IQSEC3: variants seen among roughly 807,000 people sequenced by gnomAD.
IQSEC3 encodes IQ motif and Sec7 domain ArfGEF 3, also known as IQ motif and SEC7 domain-containing protein 3.
A neutral mutation model predicts 105.4 loss-of-function variants in IQSEC3; 50 were observed. The ratio of observed to expected loss-of-function variants is 0.47; its 90% CI spans 0.38 to 0.60. The LOEUF (loss-of-function observed/expected upper bound fraction) is 0.60, where lower values mean the gene tolerates loss of function less well. Ranked by LOEUF, IQSEC3 falls within the 20% of genes least tolerant of loss-of-function variation. The pLI is 0.00. For synonymous variants in IQSEC3, 708 were observed against 746.0 expected, an observed-to-expected ratio of 0.95 and a Z score of 0.83; for missense variants, 1,415 against 1,630.0, an observed-to-expected ratio of 0.87 and a Z score of 2.27.
intron 2 of IQSEC3, among the ~76,000 whole-genome samples, chr12:117,994 G>A (rs782025049): frequency 1.3e-5 from 2 of 152,214 alleles, no homozygotes; most frequent in Non-Finnish European, 2.9e-5. Context: ...TGTGGCCAGG[G>A]CCCAAGCAAA....
chr12:174,332 G>A (rs1269941022), intron 13 of IQSEC3, among the ~76,000 whole-genome samples: 1 of 152,130 alleles, frequency 6.6e-6, no homozygotes, highest in Non-Finnish European at 1.5e-5. Flanking sequence ...TGTATGCAGA[G>A]CCCATCTCAC....
Position 157,085 on chromosome 12 carries a change from C to T in IQSEC3, c.2214C>T (p.Phe738=). ...AGCTGGACGAGGCCCTGCGCAAGTT[C>T]CAGGCACACATCCGTGTGCAGGGGG... is the stretch of plus-strand genomic sequence containing the variant. ...SMELDEALRK[F]QAHIRVQGEA... Residue 738 remains phenylalanine (F), a synonymous_variant, in exon 6 of 14, where the codon TTC becomes TTT. Transcript: ENST00000538872. The T allele has an allele frequency of 6.2e-7, 1 of 1,606,174 alleles. No individual in the cohort carries two copies. The highest frequency in any genetic ancestry group is 8.5e-7 in the Non-Finnish European group (1 of 1,176,294).
In IQSEC3 at chr12:99,043, G is replaced by A. The variant is rs544861321; in HGVS notation, c.555-103G>A. On this transcript the variant is annotated intron_variant, in intron 1 of 13. Coordinates refer to ENST00000538872, the MANE Select transcript of IQSEC3 (RefSeq NM_001170738.2). ...TTTACACAGGGGCTCAAAAGGGCGGGGGTAGGAGCAGCAAGATTTCAGGGC... is the reference window on the plus strand; with the variant it reads ...TTTACACAGGGGCTCAAAAGGGCGGAGGTAGGAGCAGCAAGATTTCAGGGC... 1.3e-5 allele frequency: 13 copies of A among 1,023,876 alleles called. No individual in the cohort carries two copies. The Admixed American group carries it at 1.7e-4, about 13-fold the overall frequency. 63.4% of individuals were successfully genotyped at this position (1,023,876 alleles called of 1,614,324 possible).
chr12:168,393 T>A (rs567383769), intron 11 of IQSEC3, among the ~76,000 whole-genome samples: 2 of 152,108 alleles, frequency 1.3e-5, no homozygotes, highest in South Asian at 4.1e-4. Context: ...AGGCAGGCTC[T>A]GTCCTCCCAG....
chr12:174,079 C>A (rs543216656), intron 13 of IQSEC3, among the ~76,000 whole-genome samples: 23 of 152,288 alleles, frequency 1.5e-4, no homozygotes, highest in African/African-American at 5.5e-4. Context: ...CCAGATCACC[C>A]TCTGGCATTC....
intron 11 of IQSEC3, 106 bp downstream of exon 11, chr12:165,996 G>C: frequency 7.6e-7 from 1 of 1,324,194 alleles, no homozygotes. Flanking sequence ...GCCCCACTTC[G>C]GACCCTCCCC....
chr12:76,160 G>A (rs1311781363), intron 1 of IQSEC3, among the ~76,000 whole-genome samples: 4 of 152,002 alleles, frequency 2.6e-5, no homozygotes, highest in Non-Finnish European at 5.9e-5. Flanking sequence ...GTGAGAAACG[G>A]GCAATGGGCC....
Position 161,907 on chromosome 12 carries a change from G to GCC in IQSEC3, c.2444-17_2444-16dup. On this transcript the variant is annotated intron_variant, in intron 7 of 13. Coordinates refer to ENST00000538872, the MANE Select transcript of IQSEC3 (RefSeq NM_001170738.2). ...CCCTCCCAACCCCACCACCACCCCT[G>GCC]CCCACTCCACGTTGTTAGGTGTGGA... 1.3e-6 allele frequency: 2 copies of GCC among 1,569,868 alleles called. No individual in the cohort carries two copies. The highest frequency in any genetic ancestry group is 1.7e-6 in the Non-Finnish European group (2 of 1,158,166).
chr12:99,864 C>T (rs1864365461), intron 2 of IQSEC3, among the ~76,000 whole-genome samples: 1 of 152,284 alleles, frequency 6.6e-6, no homozygotes, highest in African/African-American at 2.4e-5. Flanking sequence ...CTTCTCCCTC[C>T]GCATCTGCCT....
rs1555075431 is a variant in IQSEC3 at position 99,129 on chromosome 12, C to T, written c.555-17C>T. ...GCCTGCCTCAGGCGCTCTGATCTCC[C>T]TCTGCTCTGCCCGCAGGAATGAGAC... is the stretch of plus-strand genomic sequence containing the variant. On this transcript the variant is annotated splice_polypyrimidine_tract_variant and intron_variant, in intron 1 of 13. Coordinates refer to ENST00000538872, the MANE Select transcript of IQSEC3 (RefSeq NM_001170738.2). The T allele has an allele frequency of 1.3e-6, 2 of 1,597,004 alleles. No individual in the cohort carries two copies. The highest frequency in any genetic ancestry group is 1.6e-4 in the Middle Eastern group (1 of 6,080).
intron 4 of IQSEC3, 124 bp downstream of exon 4, chr12:139,478 A>C: frequency 1.4e-6 from 1 of 715,896 alleles, no homozygotes; most frequent in Non-Finnish European, 2.3e-6. Context: ...AGGGTCCTCC[A>C]GGCAGGCGCA....
chr12:148,199 G>A (rs782535680), intron 5 of IQSEC3: 26 of 152,120 alleles, frequency 1.7e-4, no homozygotes, highest in Non-Finnish European at 2.8e-4. Flanking sequence ...ATAGAGCAGT[G>A]CTTCCAAAAG....
chr12:125,977 G>T (rs11610983), intron 3 of IQSEC3, 65 bp downstream of exon 3: 31 of 1,473,910 alleles, frequency 2.1e-5, no homozygotes, highest in South Asian at 2.5e-5. Context: ...GGGCTGTCGA[G>T]GGTACCAGGG....
At chr12:76,772 C>A (rs1353019328) in intron 1 of IQSEC3, among the ~76,000 whole-genome samples, 2 of 152,268 alleles carry the variant, frequency 1.3e-5, no homozygotes, top group African/African-American at 2.4e-5. Context: ...TGTCTGGAAG[C>A]TCAGGTACGG....
intron 8 of IQSEC3, 62 bp from the exon 9 acceptor site, chr12:163,432 G>C: frequency 6.8e-7 from 1 of 1,479,764 alleles, no homozygotes. Flanking sequence ...GAAAATGGGC[G>C]CGTGGGTGGG....
intron 9 of IQSEC3, among the ~76,000 whole-genome samples, chr12:164,316 G>A (rs1481103174): frequency 6.6e-6 from 1 of 152,110 alleles, no homozygotes; most frequent in East Asian, 1.9e-4. Context: ...GGTACATTCA[G>A]TGAACCACAT....
chr12:125,727 A>G lies in IQSEC3; in HGVS notation c.718A>G (p.Lys240Glu). The G allele has an allele frequency of 6.5e-7, 1 of 1,529,746 alleles. No homozygotes were observed. Among genetic ancestry groups the G allele is most frequent in the Non-Finnish European group, 8.7e-7 (1 of 1,148,012 alleles). 94.8% of individuals were successfully genotyped at this position (1,529,746 alleles called of 1,614,324 possible). ...AAGRPSAHAP[K>E]AQAQELQEEE... ...CGGCAGACCCAGTGCCCATGCCCCG[A>G]AGGCTCAAGCCCAGGAGCTGCAGGA... The change falls in exon 3 of 14, where the codon AAG (lysine) becomes GAG (glutamate). Residue 240 changes from lysine to glutamate, a missense_variant. By Grantham distance (56) the Lys-to-Glu change is moderately conservative. Coordinates refer to ENST00000538872, the MANE Select transcript of IQSEC3 (RefSeq NM_001170738.2).
Position 138,184 on chromosome 12 carries a change from G to A in IQSEC3, c.904-83G>A. Reference sequence around the variant, plus strand: ...CATTCCTGGGCCCCACCCGAGTGTGGCCGGGTGACTCCACCACTCCTCAGA... The same window carrying A: ...CATTCCTGGGCCCCACCCGAGTGTGACCGGGTGACTCCACCACTCCTCAGA... On this transcript the variant is annotated intron_variant, in intron 3 of 13. Transcript: ENST00000538872. The surrounding 1 kb of genome is among the most constrained non-coding windows in gnomAD (Gnocchi z 7.1). 7.7e-7 allele frequency: 1 copy of A among 1,292,394 alleles called. No homozygotes were observed. Among genetic ancestry groups the A allele is most frequent in the Non-Finnish European group, 1.1e-6 (1 of 927,522 alleles). The allele number at this position is 1,292,394 out of a possible 1,614,324, so 80.1% of individuals were successfully genotyped here. A position where few individuals can be genotyped will look rare whatever the true frequency, so the allele number is the denominator to read the frequency against.
chr12:161,383 C>T (rs1465462717), intron 7 of IQSEC3, among the ~76,000 whole-genome samples: 1 of 152,126 alleles, frequency 6.6e-6, no homozygotes, highest in Non-Finnish European at 1.5e-5. Flanking sequence ...TCCTCGCCTG[C>T]ATTGCCAGGG....
Sources: allele counts gnomAD v4.1 joint callset (sites outside exome capture counted in the v4.1 genomes callset), GRCh38; gene constraint gnomAD v4.1.1; non-coding constraint Gnocchi (gnomAD v3.1); transcripts MANE v1.5; gene names NCBI Gene and HGNC (gene_info 2026-07-23, HGNC 2026-07-21).